The following KDM6A variants were observed in gnomAD, a reference collection of about 807,000 sequenced individuals.
The protein encoded by KDM6A is lysine demethylase 6A.
Under a neutral mutation model 117.6 loss-of-function variants are expected in KDM6A, and 11 were observed. That is an observed-to-expected ratio of 0.09 (90% confidence interval 0.06 to 0.15). The LOEUF is 0.15. Among genes scored for constraint, KDM6A ranks in the 10% least tolerant of loss-of-function variants. The probability of loss-of-function intolerance (pLI) is 1.00; values close to 1 mark genes in which losing one functional copy is unlikely to be tolerated. For synonymous variants in KDM6A, 384 were observed against 396.1 expected (o/e 0.97, Z 0.36); for missense variants, 799 against 1,077.3 (o/e 0.74, Z 3.62).
At chrX:44,985,351 C>T (rs1290924675) in intron 4 of KDM6A, among the ~76,000 whole-genome samples, 2 of 111,689 alleles carry the variant, frequency 1.8e-5, no homozygotes, top group African/African-American at 3.3e-5. Flanking sequence ...ATGTCATCTG[C>T]AAACAGGGAC....
intron 2 of KDM6A, among the ~76,000 whole-genome samples, chrX:44,947,392 T>A (rs1174430914): frequency 2.7e-5 from 2 of 74,672 alleles, no homozygotes; most frequent in Non-Finnish European, 4.6e-5. Context: ...ATAATCAGAA[T>A]TTTTTTTTTT....
At chrX:45,041,656 C>T (rs1415313078) in intron 8 of KDM6A, among the ~76,000 whole-genome samples, 1 of 106,681 alleles carries the variant, frequency 9.4e-6, no homozygotes, top group Non-Finnish European at 1.9e-5. Flanking sequence ...AGACGATGGG[C>T]GGCCGGGCAG....
intron 7 of KDM6A, among the ~76,000 whole-genome samples, chrX:45,036,253 T>C (rs750861375): frequency 9.0e-6 from 1 of 111,585 alleles, no homozygotes; most frequent in Non-Finnish European, 1.9e-5. Context: ...TGTAAATCAC[T>C]TGAAAGAGTA....
chrX:45,091,657 A>G (rs1049599909), intron 27 of KDM6A, among the ~76,000 whole-genome samples: 12 of 112,066 alleles, frequency 1.1e-4, no homozygotes, highest in Non-Finnish European at 1.9e-4. Context: ...GTTATAGTGT[A>G]TGGTATTTCC....
intron 2 of KDM6A, among the ~76,000 whole-genome samples, chrX:44,949,487 T>TTAG (rs2037856443): frequency 9.0e-6 from 1 of 111,044 alleles, no homozygotes; most frequent in African/African-American, 3.3e-5. Context: ...TTTTTTTTTT[T>TTAG]TAAAGCACTT....
chrX:44,889,475 T>G (rs2033166020), intron 2 of KDM6A, among the ~76,000 whole-genome samples: 1 of 112,364 alleles, frequency 8.9e-6, no homozygotes, highest in South Asian at 3.6e-4. Context: ...AAAAAATTTT[T>G]TTTTAAAATC....
At chrX:44,970,951 A>T (rs1384839881) in intron 3 of KDM6A, among the ~76,000 whole-genome samples, 1 of 111,151 alleles carries the variant, frequency 9.0e-6, no homozygotes, top group African/African-American at 3.3e-5. Flanking sequence ...CATGTCTGTC[A>T]TCTATAAATC....
intron 1 of KDM6A, 87 bp from the exon 2 acceptor site, chrX:44,873,837 C>G: frequency 8.7e-7 from 1 of 1,152,721 alleles, no homozygotes; most frequent in Middle Eastern, 2.4e-4. Flanking sequence ...CTCTTCGCGC[C>G]GCCTCCGCTG....
At chrX:44,938,011 T>C (rs1012351881) in intron 2 of KDM6A, among the ~76,000 whole-genome samples, 17 of 111,853 alleles carry the variant, frequency 1.5e-4, no homozygotes, top group African/African-American at 4.9e-4. Flanking sequence ...GGTCTCACTT[T>C]GTTGCCCAGG....
intron 6 of KDM6A, among the ~76,000 whole-genome samples, chrX:45,027,336 AACACACACACAC>A (rs200245833): frequency 5.1e-5 from 5 of 98,137 alleles, no homozygotes; most frequent in Middle Eastern, 4.6e-3. Context: ...CATAGTGTGA[AACACACACACAC>A]ACACACACAC....
chrX:44,873,391 A>G lies in KDM6A; in HGVS notation c.-161A>G. The G allele has an allele frequency of 1.4e-6, 1 of 697,771 alleles. No homozygotes were observed. Among genetic ancestry groups the G allele is most frequent in the Non-Finnish European group, 2.0e-6 (1 of 489,626 alleles). The allele number at this position is 697,771 out of a possible 1,213,427, so 57.5% of individuals were successfully genotyped here. A position where few individuals can be genotyped will look rare whatever the true frequency, so the allele number is the denominator to read the frequency against. On this transcript the variant is annotated 5_prime_UTR_variant, in exon 1 of 30. Transcript: ENST00000611820. ...CCCTGCCGCCGCCGCCGCCGCCTTC[A>G]CCGCCGCCGCGTTGGGATTTTTCGT...
chrX:45,047,674 CTTTTTTTTTTTTTTT>C (rs78749806), intron 8 of KDM6A, among the ~76,000 whole-genome samples: 9 of 36,360 alleles, frequency 2.5e-4, no homozygotes, highest in Non-Finnish European at 4.1e-4. Context: ...CTTTTTTTTT[CTTTTTTTTTTTTTTT>C]TTTTTTTTTT....
intron 2 of KDM6A, among the ~76,000 whole-genome samples, chrX:44,884,171 A>G (rs748246348): frequency 9.2e-6 from 1 of 108,968 alleles, no homozygotes; most frequent in South Asian, 4.0e-4. Flanking sequence ...GGAATTGTGA[A>G]TAGTCAGGTA....
At chrX:45,018,300 C>T (rs1371490733) in intron 5 of KDM6A, among the ~76,000 whole-genome samples, 3 of 111,054 alleles carry the variant, frequency 2.7e-5, no homozygotes, top group Admixed American at 1.9e-4. Context: ...TTAGAAAGAA[C>T]AACGAGGAGA....
chrX:45,106,214 T>A (rs1241973014), intron 27 of KDM6A, among the ~76,000 whole-genome samples: 4 of 111,864 alleles, frequency 3.6e-5, no homozygotes, highest in Admixed American at 9.5e-5. Context: ...AAATTGATAT[T>A]GTTTTATATT....
chrX:45,056,369 G>T (rs2044071974), intron 10 of KDM6A, among the ~76,000 whole-genome samples: 1 of 111,852 alleles, frequency 8.9e-6, no homozygotes. Context: ...GGGGTTTGAT[G>T]ACCCTCATAT....
At chrX:45,056,922 G>A (rs948248151) in intron 10 of KDM6A, among the ~76,000 whole-genome samples, 1 of 111,667 alleles carries the variant, frequency 9.0e-6, no homozygotes, top group African/African-American at 3.2e-5. Flanking sequence ...TATCTGTTAA[G>A]CATTCCCTTT....
At chrX:44,914,927 G>C (rs1245724811) in intron 2 of KDM6A, among the ~76,000 whole-genome samples, 1 of 110,893 alleles carries the variant, frequency 9.0e-6, no homozygotes, top group African/African-American at 3.3e-5. Context: ...CTATTTTCTT[G>C]GGTTAATTTT....
At chrX:44,995,990 T>C (rs1230867344) in intron 4 of KDM6A, among the ~76,000 whole-genome samples, 1 of 111,957 alleles carries the variant, frequency 8.9e-6, no homozygotes, top group East Asian at 2.8e-4. Context: ...TACTGCTTTC[T>C]CCATTTTACA....
Sources: gnomAD v4.1 joint callset for allele counts (sites outside exome capture counted in the v4.1 genomes callset) on GRCh38, gnomAD v4.1.1 for gene constraint, MANE v1.5 for transcripts, NCBI Gene and HGNC (gene_info 2026-07-23, HGNC 2026-07-21) for gene names.